SGK1: variants seen among roughly 807,000 people sequenced by gnomAD.
SGK1 encodes serum/glucocorticoid regulated kinase 1.
Under a neutral mutation model 64.2 loss-of-function variants are expected in SGK1, and 26 were observed. That is an observed-to-expected ratio of 0.40 (90% CI 0.30 to 0.56). SGK1 has a LOEUF of 0.56. Ranked by LOEUF, SGK1 falls within the 20% of genes least tolerant of loss-of-function variation. The pLI is 0.38. For synonymous variants in SGK1, 265 were observed against 239.7 expected, an observed-to-expected ratio of 1.11 and a Z score of -0.98; for missense variants, 519 against 645.6, an observed-to-expected ratio of 0.80 and a Z score of 2.12.
chr6:134,287,100 T>C (rs992476119), intron 1 of SGK1, among the ~76,000 whole-genome samples: 10 of 152,170 alleles, frequency 6.6e-5, no homozygotes, highest in Admixed American at 6.5e-4. Flanking sequence ...GCCTCCCAAG[T>C]AGCTGGGACT....
intron 1 of SGK1, among the ~76,000 whole-genome samples, chr6:134,291,293 A>T (rs2114780642): frequency 6.6e-6 from 1 of 152,298 alleles, no homozygotes; most frequent in Non-Finnish European, 1.5e-5. Flanking sequence ...AATAAAAATT[A>T]CAGGAGGCTG....
chr6:134,194,677 A>G (rs756656447), intron 3 of SGK1, among the ~76,000 whole-genome samples: 55 of 152,068 alleles, frequency 3.6e-4, no homozygotes, highest in Middle Eastern at 3.4e-3. Context: ...GCACACCACC[A>G]TACCTGGCTA....
At chr6:134,193,835 AAGGGGAGGGGAGGGG>A (rs1775555695) in intron 3 of SGK1, among the ~76,000 whole-genome samples, 1 of 1,378 alleles carries the variant, frequency 7.3e-4, no homozygotes, top group Non-Finnish European at 1.1e-3. Flanking sequence ...GAGGGGAGGG[AAGGGGAGGGGAGGGG>A]AGGGGAAAAA....
At chr6:134,271,411 AAGT>A (rs1198308844) in intron 1 of SGK1, among the ~76,000 whole-genome samples, 2 of 147,830 alleles carry the variant, frequency 1.4e-5, no homozygotes, top group Non-Finnish European at 3.0e-5. Flanking sequence ...TAAAAAGAGA[AAGT>A]AGGAAAATTA....
At chr6:134,315,461 G>T (rs1777667983) in intron 1 of SGK1, among the ~76,000 whole-genome samples, 1 of 152,126 alleles carries the variant, frequency 6.6e-6, no homozygotes, top group Admixed American at 6.5e-5. Context: ...CAAAATTCAA[G>T]GTCTGCAGAG....
At chr6:134,220,815 C>G (rs1776078321) in intron 2 of SGK1, among the ~76,000 whole-genome samples, 1 of 148,040 alleles carries the variant, frequency 6.8e-6, no homozygotes, top group Admixed American at 6.9e-5. Context: ...AACGCCATCT[C>G]TACTAAAAAT....
intron 13 of SGK1, 71 bp from the exon 14 acceptor site, chr6:134,170,506 G>T: frequency 2.1e-6 from 3 of 1,411,782 alleles, no homozygotes; most frequent in South Asian, 1.3e-5. Context: ...ATCTTGACCA[G>T]GCTTTAAATA....
chr6:134,231,287 G>C (rs1015698931), intron 2 of SGK1, among the ~76,000 whole-genome samples: 1 of 152,184 alleles, frequency 6.6e-6, no homozygotes, highest in Non-Finnish European at 1.5e-5. Context: ...AAAACCTAAA[G>C]TGGAAAATGC....
At chr6:134,227,943 CTTTTTTTTTT>C (rs869082001) in intron 2 of SGK1, among the ~76,000 whole-genome samples, 8 of 69,730 alleles carry the variant, frequency 1.1e-4, no homozygotes, top group African/African-American at 3.9e-4. Flanking sequence ...GGAATTCATT[CTTTTTTTTTT>C]TTTTTTTTTT....
At chr6:134,180,970 A>C (rs1195735644) in intron 3 of SGK1, among the ~76,000 whole-genome samples, 1 of 152,204 alleles carries the variant, frequency 6.6e-6, no homozygotes, top group Non-Finnish European at 1.5e-5. Context: ...CAAAAAATTT[A>C]ATTTGCAATG....
intron 3 of SGK1, among the ~76,000 whole-genome samples, chr6:134,179,241 T>C (rs986265414): frequency 1.3e-5 from 2 of 152,276 alleles, no homozygotes; most frequent in African/African-American, 4.8e-5. Context: ...CTTCCATTGA[T>C]AACAAGGCAA....
intron 1 of SGK1, among the ~76,000 whole-genome samples, chr6:134,288,551 G>A (rs1240117342): frequency 3.3e-5 from 5 of 152,142 alleles, no homozygotes; most frequent in Non-Finnish European, 5.9e-5. Context: ...GAAATACATT[G>A]GTTCATCCTC....
chr6:134,206,367 ATATATATATATATATATT>A (rs1202902484), intron 3 of SGK1, among the ~76,000 whole-genome samples: 35 of 8,190 alleles, frequency 4.3e-3, no homozygotes, highest in African/African-American at 8.2e-3. Flanking sequence ...ATATATATAT[ATATATATATATATATATT>A]TTTTTTTTTT....
At chr6:134,266,957 A>T (rs1451841095) in intron 1 of SGK1, among the ~76,000 whole-genome samples, 1 of 152,158 alleles carries the variant, frequency 6.6e-6, no homozygotes, top group African/African-American at 2.4e-5. Flanking sequence ...TTTAAAATCA[A>T]TCTTTTTACT....
At position 134,213,643 on chromosome 6, in the gene SGK1, T is replaced by TAAATAAATAAAA. The variant is rs11409950; in HGVS notation, c.286-6213_286-6212insTTTTATTTATTT. ...ATAAATAAATAAATAAATAAATAAATAATAAATAAATAAAATGTCCTCATG... is the reference window on the plus strand; with the variant it reads ...ATAAATAAATAAATAAATAAATAAATAAATAAATAAAAAATAAATAAATAAAATGTCCTCATG... On this transcript the variant is annotated intron_variant, in intron 2 of 13. Transcript: ENST00000367858. Among the ~76,000 whole-genome samples the TAAATAAATAAAA allele has an allele frequency of 4.7e-4, 13 of 27,884 alleles. No individual in the cohort carries two copies. In the East Asian group the frequency reaches 0.011, roughly 23 times the overall value. 18.3% of individuals were successfully genotyped at this position (27,884 alleles called of 152,430 possible).
chr6:134,216,140 C>T (rs1371690954), intron 2 of SGK1, among the ~76,000 whole-genome samples: 1 of 152,126 alleles, frequency 6.6e-6, no homozygotes, highest in African/African-American at 2.4e-5. Context: ...AAAATCACCT[C>T]TGATGAAGAT....
intron 3 of SGK1, among the ~76,000 whole-genome samples, chr6:134,206,376 T>C (rs1403476992): frequency 5.1e-3 from 35 of 6,886 alleles, no homozygotes; most frequent in African/African-American, 0.011. Flanking sequence ...TATATATATA[T>C]ATATATATTT....
At chr6:134,244,457 A>C (rs1448792620) in intron 2 of SGK1, among the ~76,000 whole-genome samples, 1 of 152,188 alleles carries the variant, frequency 6.6e-6, no homozygotes, top group Non-Finnish European at 1.5e-5. Context: ...TTATAGTAGA[A>C]TGATTTATAA....
chr6:134,198,563 A>C (rs529695438), intron 3 of SGK1, among the ~76,000 whole-genome samples: 1 of 151,962 alleles, frequency 6.6e-6, no homozygotes, highest in Non-Finnish European at 1.5e-5. Flanking sequence ...CAATGATATC[A>C]TTTTATATAT....
Sources: allele counts gnomAD v4.1 joint callset (sites outside exome capture counted in the v4.1 genomes callset), GRCh38; gene constraint gnomAD v4.1.1; transcripts MANE v1.5; gene names NCBI Gene and HGNC (gene_info 2026-07-23, HGNC 2026-07-21).